The following AEBP2 variants were observed in gnomAD, a reference collection of about 807,000 sequenced individuals.
The protein encoded by AEBP2 is zinc finger protein AEBP2.
A neutral mutation model predicts 50.8 loss-of-function variants in AEBP2; 10 were observed. That is an observed-to-expected ratio of 0.20 (90% CI 0.12 to 0.33). AEBP2 has a LOEUF of 0.33. AEBP2 is among the 10% of genes least tolerant of loss of function. The pLI is 1.00. For missense variants in AEBP2, 570 were observed against 688.0 expected, an observed-to-expected ratio of 0.83 and a Z score of 1.92; for synonymous variants, 296 against 261.3, an observed-to-expected ratio of 1.13 and a Z score of -1.28.
intron 4 of AEBP2, among the ~76,000 whole-genome samples, chr12:19,496,498 T>C (rs894975623): frequency 4.6e-5 from 7 of 152,224 alleles, no homozygotes; most frequent in African/African-American, 1.7e-4. Flanking sequence ...TGCATTTCAC[T>C]CTTTCTTTAA....
Position 19,440,200 on chromosome 12 carries a change from C to T in AEBP2, c.501C>T (p.Ser167=), listed in dbSNP as rs763504577. 1.4e-6 allele frequency: 2 copies of T among 1,453,144 alleles called. No individual in the cohort carries two copies. Among genetic ancestry groups the T allele is most frequent in the Non-Finnish European group, 1.8e-6 (2 of 1,115,110 alleles). 90.0% of individuals were successfully genotyped at this position (1,453,144 alleles called of 1,614,324 possible). A position where few individuals can be genotyped will look rare whatever the true frequency, so the allele number is the denominator to read the frequency against. Residue 167 remains serine (S), a synonymous_variant, in exon 1 of 8, where the codon AGC becomes AGT. Transcript: ENST00000266508. ...AGGAGCCCAAGGGACCGCGGGGCAGCCAGGGCGGCGGCGGGGGCGGCAGCA... is the reference window on the plus strand; with the variant it reads ...AGGAGCCCAAGGGACCGCGGGGCAGTCAGGGCGGCGGCGGGGGCGGCAGCA... ...GLEEPKGPRG[S]QGGGGGGSSS...
intron 1 of AEBP2, among the ~76,000 whole-genome samples, chr12:19,446,266 A>G (rs575247059): frequency 2.0e-5 from 3 of 152,334 alleles, no homozygotes; most frequent in South Asian, 2.1e-4. Context: ...AGAGCAGGCT[A>G]AAGAGATTAT....
At chr12:19,422,151 G>T (rs2095746164) in intron 1 of AEBP2, among the ~76,000 whole-genome samples, 1 of 152,016 alleles carries the variant, frequency 6.6e-6, no homozygotes, top group Non-Finnish European at 1.5e-5. Flanking sequence ...GGAGGGGGGA[G>T]GGGAAAGAAA....
intron 1 of AEBP2, among the ~76,000 whole-genome samples, chr12:19,423,936 A>G (rs2095747181): frequency 6.6e-6 from 1 of 152,262 alleles, no homozygotes; most frequent in Non-Finnish European, 1.5e-5. Flanking sequence ...ATAAAATTTT[A>G]TATATTGGTC....
intron 1 of AEBP2, among the ~76,000 whole-genome samples, chr12:19,455,177 G>A (rs79919558): frequency 6.7e-6 from 1 of 149,586 alleles, no homozygotes. Flanking sequence ...TTTTTTTTAA[G>A]AGACAGGGTC....
At chr12:19,473,852 T>A (rs1203057148) in intron 3 of AEBP2, among the ~76,000 whole-genome samples, 3 of 152,194 alleles carry the variant, frequency 2.0e-5, no homozygotes, top group African/African-American at 7.2e-5. Context: ...ATAAAGCTCA[T>A]TTGATCAATT....
At chr12:19,455,161 T>TG (rs948058013) in intron 1 of AEBP2, among the ~76,000 whole-genome samples, 1 of 106,704 alleles carries the variant, frequency 9.4e-6, no homozygotes, top group African/African-American at 3.2e-5. Context: ...GCCCAGCTAA[T>TG]TTTTTTTTTT....
chr12:19,404,770 G>C (rs1307093185), intron 1 of AEBP2, among the ~76,000 whole-genome samples: 1 of 152,066 alleles, frequency 6.6e-6, no homozygotes, highest in Non-Finnish European at 1.5e-5. Context: ...AAGAATGCGG[G>C]AGAGTTGAGT....
At chr12:19,437,019 C>G (rs1947867268), upstream of AEBP2, among the ~76,000 whole-genome samples, 1 of 152,120 alleles carries the variant, frequency 6.6e-6, no homozygotes. Flanking sequence ...TCATATAAAC[C>G]AGAACTCCTT....
chr12:19,478,204 C>A (rs765530515), intron 3 of AEBP2, among the ~76,000 whole-genome samples: 1 of 152,110 alleles, frequency 6.6e-6, no homozygotes, highest in African/African-American at 2.4e-5. Context: ...TTTGTTATTT[C>A]TTTTCTTCTA....
chr12:19,494,727 T>C (rs1271234098), intron 4 of AEBP2, among the ~76,000 whole-genome samples: 1 of 151,988 alleles, frequency 6.6e-6, no homozygotes, highest in Non-Finnish European at 1.5e-5. Context: ...ACCTAGTCTA[T>C]TGTAACATAT....
At position 19,519,917 on chromosome 12, in the gene AEBP2, C is replaced by T. The variant is rs536289503; in HGVS notation, c.*1800C>T. On this transcript the variant is annotated 3_prime_UTR_variant, in exon 8 of 8. Transcript: ENST00000266508. The stretch of plus-strand genomic sequence containing the variant: ...ATGGTTGTTTAATAAGGGTATTATC[C>T]ATTTGATCTATAGCAATGTGATTTT... 11 of 152,320 alleles carry T rather than the reference C, an allele frequency of 7.2e-5. 1 individual carries two copies. Among genetic ancestry groups the T allele is most frequent in the Non-Finnish European group, 1.6e-4 (11 of 67,936 alleles). The allele number at this position is 152,320 out of a possible 1,614,324, so 9.4% of individuals were successfully genotyped here. A position where few individuals can be genotyped will look rare whatever the true frequency, so the allele number is the denominator to read the frequency against.
chr12:19,484,587 A>G (rs1468555843), intron 3 of AEBP2, among the ~76,000 whole-genome samples: 1 of 151,860 alleles, frequency 6.6e-6, no homozygotes, highest in Non-Finnish European at 1.5e-5. Context: ...GTTGGCCAGG[A>G]TGGTCTCGAT....
At chr12:19,497,326 G>GTTTTTTTT (rs1491166710) in intron 4 of AEBP2, among the ~76,000 whole-genome samples, 2 of 60,244 alleles carry the variant, frequency 3.3e-5, no homozygotes, top group African/African-American at 1.8e-4. Flanking sequence ...GTTTCCAAAG[G>GTTTTTTTT]TGTTTTTTTT....
chr12:19,508,281 GAAT>G (rs1338951583), intron 5 of AEBP2, among the ~76,000 whole-genome samples: 2 of 152,050 alleles, frequency 1.3e-5, no homozygotes, highest in African/African-American at 4.8e-5. Flanking sequence ...GGCTGGCCTC[GAAT>G]TCCTGGGCTC....
chr12:19,487,560 A>C (rs939927715), intron 3 of AEBP2, among the ~76,000 whole-genome samples: 5 of 152,164 alleles, frequency 3.3e-5, no homozygotes, highest in African/African-American at 1.2e-4. Context: ...TTTTCTAAAA[A>C]TACAAAAATT....
At chr12:19,471,652 A>G (rs146463548) in intron 2 of AEBP2, among the ~76,000 whole-genome samples, 1 of 151,890 alleles carries the variant, frequency 6.6e-6, no homozygotes, top group Non-Finnish European at 1.5e-5. Flanking sequence ...ACCACCCCTG[A>G]GTAGCTGGGA....
chr12:19,453,067 C>T (rs1341024158), intron 1 of AEBP2, among the ~76,000 whole-genome samples: 3 of 144,104 alleles, frequency 2.1e-5, no homozygotes, highest in African/African-American at 7.6e-5. Flanking sequence ...CTCCCAGGTT[C>T]ACGCCATTCT....
chr12:19,443,734 A>G (rs1342833124), intron 1 of AEBP2, among the ~76,000 whole-genome samples: 2 of 152,122 alleles, frequency 1.3e-5, no homozygotes, highest in Non-Finnish European at 2.9e-5. Flanking sequence ...AAAAAAGATA[A>G]TTAAATATAA....
Sources: allele counts gnomAD v4.1 joint callset (sites outside exome capture counted in the v4.1 genomes callset), GRCh38; gene constraint gnomAD v4.1.1; transcripts MANE v1.5; gene names NCBI Gene and HGNC (gene_info 2026-07-23, HGNC 2026-07-21).